KCNG3: variants seen among roughly 807,000 people sequenced by gnomAD.
The protein encoded by KCNG3 is potassium voltage-gated channel modifier subfamily G member 3, also known as voltage-gated potassium channel regulatory subunit KCNG3.
Under a neutral mutation model 29.0 loss-of-function variants are expected in KCNG3, and 15 were observed. That is an observed-to-expected ratio of 0.52 (90% CI 0.35 to 0.80). KCNG3 has a LOEUF of 0.80. KCNG3 is among the 30% of genes least tolerant of loss of function. KCNG3 has a pLI of 0.01. For missense variants in KCNG3, 512 were observed against 605.7 expected, an observed-to-expected ratio of 0.85 and a Z score of 1.62; for synonymous variants, 322 against 248.9, an observed-to-expected ratio of 1.29 and a Z score of -2.76.
At chr2:42,457,114 T>G (rs1402046351) in intron 1 of KCNG3, among the ~76,000 whole-genome samples, 2 of 152,160 alleles carry the variant, frequency 1.3e-5, no homozygotes, top group Non-Finnish European at 2.9e-5. Context: ...TACATACTAA[T>G]TCACTTAATT....
the KCNG3 span, among the ~76,000 whole-genome samples, chr2:42,433,185 G>T: frequency 2.6e-5 from 4 of 152,294 alleles, no homozygotes; most frequent in South Asian, 8.3e-4. Context: ...AGATTGAAAA[G>T]AAAGAAGTAA....
chr2:42,476,248 G>C (rs1021739966), intron 1 of KCNG3, among the ~76,000 whole-genome samples: 3 of 151,872 alleles, frequency 2.0e-5, no homozygotes, highest in African/African-American at 4.8e-5. Context: ...GAGGTGGGAG[G>C]ATTGCTTGAA....
the KCNG3 span, among the ~76,000 whole-genome samples, chr2:42,399,311 A>G: frequency 6.6e-6 from 1 of 152,046 alleles, no homozygotes; most frequent in Admixed American, 6.5e-5. Context: ...GCCCTGCCTC[A>G]GCCTCTCGAA....
chr2:42,479,272 C>T (rs937649274), intron 1 of KCNG3, among the ~76,000 whole-genome samples: 3 of 152,148 alleles, frequency 2.0e-5, no homozygotes, highest in African/African-American at 7.2e-5. Flanking sequence ...CCAGAAGTAA[C>T]TTGCCATCTC....
the KCNG3 span, among the ~76,000 whole-genome samples, chr2:42,419,618 G>C: frequency 6.6e-6 from 1 of 152,046 alleles, no homozygotes; most frequent in East Asian, 1.9e-4. Context: ...CTGAATCAAA[G>C]GTTTGCTAAA....
At chr2:42,483,386 C>A (rs1673639983) in intron 1 of KCNG3, among the ~76,000 whole-genome samples, 1 of 152,182 alleles carries the variant, frequency 6.6e-6, no homozygotes. Flanking sequence ...TAAATATATA[C>A]TCACACCAAT....
In KCNG3 at chr2:42,493,201, A is replaced by C; in HGVS notation, c.301T>G (p.Trp101Gly). Residue 101 changes from tryptophan to glycine, a missense_variant, in exon 1 of 2, where the codon TGG (tryptophan) becomes GGG (glycine). Physicochemically the swap from Trp to Gly is radical, Grantham distance 184 (BLOSUM62 -2). Coordinates refer to ENST00000306078, the MANE Select transcript of KCNG3 (RefSeq NM_133329.6). ...ELSFYNEMIYWGLEGAHLEYC... is the reference protein window; with the variant it reads ...ELSFYNEMIYGGLEGAHLEYC... ...TCGAGGTGCGCGCCCTCCAGGCCCC[A>C]GTAGATCATCTCGTTGTAGAAGGAG... The C allele has an allele frequency of 6.2e-7, 1 of 1,610,788 alleles. No homozygotes were observed. Among genetic ancestry groups the C allele is most frequent in the Non-Finnish European group, 8.5e-7 (1 of 1,179,822 alleles).
At chr2:42,467,970 C>CA (rs1290947746) in intron 1 of KCNG3, among the ~76,000 whole-genome samples, 227 of 90,524 alleles carry the variant, frequency 2.5e-3, no homozygotes, top group Middle Eastern at 6.6e-3. Context: ...GACCCTGTCT[C>CA]AAAAAAAAAA....
At chr2:42,470,000 C>T (rs1572855323) in intron 1 of KCNG3, 1 of 501,004 alleles carries the variant, frequency 2.0e-6, no homozygotes, top group East Asian at 3.6e-5. Context: ...TGCACAAGTA[C>T]GTTTTGTGAC....
intron 1 of KCNG3, among the ~76,000 whole-genome samples, chr2:42,489,487 G>A (rs1229823729): frequency 6.6e-6 from 1 of 152,136 alleles, no homozygotes; most frequent in East Asian, 1.9e-4. Context: ...TCCAACTTAG[G>A]AGCCAGGATA....
At position 42,444,234 on chromosome 2, in the gene KCNG3, A is replaced by G. The variant is rs1197780601; in HGVS notation, c.1011T>C (p.Phe337=). The part of the protein sequence containing the change: ...LVFICVAMAI[F]SALSQLLEHG... ...GTTCAAGAAGCTGAGAAAGTGCACT[A>G]AAGATTGCCATGGCAACACAAATGA... The change falls in exon 2 of 2, where the codon TTT becomes TTC. Residue 337 remains phenylalanine, a synonymous_variant. Coordinates refer to ENST00000306078, the MANE Select transcript of KCNG3 (RefSeq NM_133329.6). This position sits in a 1 kb window ranked among gnomAD's most constrained non-coding sequence, Gnocchi z 5.8. 5 of 1,614,082 alleles carry G rather than the reference A, an allele frequency of 3.1e-6. No individual in the cohort carries two copies. The highest frequency in any genetic ancestry group is 4.5e-5 in the East Asian group (2 of 44,898).
At chr2:42,485,677 T>C (rs948229050) in intron 1 of KCNG3, among the ~76,000 whole-genome samples, 22 of 152,280 alleles carry the variant, frequency 1.4e-4, no homozygotes, top group African/African-American at 5.3e-4. Flanking sequence ...CTCGATCTCC[T>C]GACCTCGTGA....
Position 42,492,899 on chromosome 2 carries a change from G to T in KCNG3, c.603C>A (p.Ala201=), listed in dbSNP as rs753520975. The T allele has an allele frequency of 3.3e-5, 52 of 1,564,102 alleles. No individual in the cohort carries two copies. Among genetic ancestry groups the T allele is most frequent in the Non-Finnish European group, 4.4e-5 (51 of 1,160,802 alleles). The stretch of plus-strand genomic sequence containing the variant: ...TCCGGTCATCCAGGCTGCGGTTGTC[G>T]GCGGCTGCGTTGCGCCAGTCGGGCA... ...STLPDWRNAA[A]DNRSLDDRSR... Residue 201 remains alanine, a synonymous_variant, in exon 1 of 2, where the codon GCC becomes GCA. Transcript: ENST00000306078.
At chr2:42,449,703 G>C (rs1260098525) in intron 1 of KCNG3, among the ~76,000 whole-genome samples, 1 of 151,924 alleles carries the variant, frequency 6.6e-6, no homozygotes, top group Non-Finnish European at 1.5e-5. Flanking sequence ...CACCCGCCTT[G>C]GCCTCCCAGA....
intron 1 of KCNG3, among the ~76,000 whole-genome samples, chr2:42,482,204 C>T (rs939958201): frequency 2.6e-5 from 4 of 152,190 alleles, no homozygotes; most frequent in Non-Finnish European, 2.9e-5. Flanking sequence ...AATACATAGT[C>T]GGTGCTCAAT....
At chr2:42,484,163 T>A (rs1673659974) in intron 1 of KCNG3, among the ~76,000 whole-genome samples, 1 of 152,156 alleles carries the variant, frequency 6.6e-6, no homozygotes, top group African/African-American at 2.4e-5. Flanking sequence ...CAATTATGTA[T>A]TTAAAAGAGA....
At chr2:42,391,793 G>A in the KCNG3 span, among the ~76,000 whole-genome samples, 1 of 150,696 alleles carries the variant, frequency 6.6e-6, no homozygotes, top group Non-Finnish European at 1.5e-5. Flanking sequence ...TAGTAGAGAT[G>A]GGGTTTCACC....
chr2:42,482,915 G>A (rs994193768), intron 1 of KCNG3, among the ~76,000 whole-genome samples: 1 of 152,092 alleles, frequency 6.6e-6, no homozygotes, highest in Non-Finnish European at 1.5e-5. Context: ...AAGTCCAGGA[G>A]TTCAAGACCA....
the KCNG3 span, among the ~76,000 whole-genome samples, chr2:42,415,917 G>A: frequency 1.3e-5 from 2 of 152,134 alleles, no homozygotes; most frequent in Non-Finnish European, 2.9e-5. Flanking sequence ...AGTAGAGGCC[G>A]GGCGCAGTGG....
Sources: allele counts gnomAD v4.1 joint callset (sites outside exome capture counted in the v4.1 genomes callset), GRCh38; gene constraint gnomAD v4.1.1; non-coding constraint Gnocchi (gnomAD v3.1); transcripts MANE v1.5; gene names NCBI Gene and HGNC (gene_info 2026-07-23, HGNC 2026-07-21).